Variants in ACSM3 observed in about 807,000 individuals in gnomAD.
ACSM3 encodes the protein acyl-CoA synthetase medium chain family member 3.
A neutral mutation model predicts 74.1 loss-of-function variants in ACSM3; 61 were observed. The ratio of observed to expected loss-of-function variants is 0.82; its 90% CI spans 0.67 to 1.02. The LOEUF is 1.02. ACSM3 is among the 50% of genes least tolerant of loss of function. ACSM3 has a pLI of 0.00. For missense variants in ACSM3, 660 were observed against 697.0 expected (o/e 0.95, Z 0.60); for synonymous variants, 213 against 241.5 (o/e 0.88, Z 1.09).
At chr16:20,732,574 CT>C (rs1236944668) in intron 1 of ACSM3, among the ~76,000 whole-genome samples, 3 of 152,150 alleles carry the variant, frequency 2.0e-5, no homozygotes, top group Non-Finnish European at 4.4e-5. Context: ...ACTAAGTGTT[CT>C]TTTTGCATTT....
At chr16:20,775,286 A>G (rs892134567) in intron 2 of ACSM3, among the ~76,000 whole-genome samples, 2 of 152,158 alleles carry the variant, frequency 1.3e-5, no homozygotes, top group African/African-American at 4.8e-5. Context: ...TTGTTGCAGG[A>G]GGACCTAGTA....
chr16:20,674,413 T>C (rs1485861881), upstream of ACSM3: 3 of 199,644 alleles, frequency 1.5e-5, no homozygotes, highest in Admixed American at 1.7e-4. Context: ...TTCTCACTTC[T>C]GTAATATGCT....
Position 20,683,688 on chromosome 16 carries a change from ATTCT to A in ACSM3, c.-190+8879_-190+8882del, listed in dbSNP as rs2079492701. ...AGAGTCTTGCCACCACGCCTGGCTAATTCTTTCTTTCTTTCTCTCTCTCTCTCTC... is the reference window on the plus strand; with the variant it reads ...AGAGTCTTGCCACCACGCCTGGCTAATTCTTTCTTTCTCTCTCTCTCTCTC... On this transcript the variant is annotated intron_variant, in intron 1 of 3. Coordinates refer to the ACSM3 transcript ENST00000561584. 3.8e-5 allele frequency among the ~76,000 whole-genome samples: 5 copies of A among 132,330 alleles called. No individual in the cohort carries two copies. The South Asian group carries it at 8.0e-4, about 21-fold the overall frequency. The allele number at this position is 132,330 out of a possible 152,430, so 86.8% of individuals were successfully genotyped here.
At chr16:20,735,836 A>G (rs2079864314) in intron 1 of ACSM3, 1 of 152,214 alleles carries the variant, frequency 6.6e-6, no homozygotes, top group South Asian at 2.1e-4. Flanking sequence ...ATCATCAGTA[A>G]ATCAACTTAT....
At chr16:20,685,278 A>G (rs937908791) in intron 1 of ACSM3, 2 of 1,614,198 alleles carry the variant, frequency 1.2e-6, no homozygotes, top group Non-Finnish European at 1.7e-6. Flanking sequence ...GTTGTAGGCC[A>G]CAGGTCTGTG....
intron 1 of ACSM3, chr16:20,737,723 T>C (rs367556167): frequency 1.1e-5 from 18 of 1,607,534 alleles, no homozygotes; most frequent in African/African-American, 2.7e-5. Flanking sequence ...AATTCTCTGA[T>C]AACTTCTTCT....
rs758458243 is a variant in ACSM3 at position 20,690,956 on chromosome 16, C to A, written c.-190+16134C>A. 8.3e-6 allele frequency: 13 copies of A among 1,573,072 alleles called. No individual in the cohort carries two copies. In the Admixed American group the frequency reaches 9.9e-5, roughly 12 times the overall value. On this transcript the variant is annotated intron_variant, in intron 1 of 3. Transcript: ENST00000561584. ...TAGGAGCAAGATAAGGAAAGTGAGG[C>A]CACCCTTGTTCTTATATCGCCATCA...
intron 1 of ACSM3, among the ~76,000 whole-genome samples, chr16:20,689,335 G>A (rs1422636928): frequency 6.6e-6 from 1 of 152,026 alleles, no homozygotes; most frequent in Non-Finnish European, 1.5e-5. Flanking sequence ...GAAAATCAAA[G>A]TGTGTCACTA....
Position 20,797,151 on chromosome 16 carries a change from T to A in ACSM3, c.*179T>A, listed in dbSNP as rs2152494232. 2.2e-6 allele frequency: 3 copies of A among 1,352,850 alleles called. No individual in the cohort carries two copies. Among genetic ancestry groups the A allele is most frequent in the South Asian group, 3.8e-5 (2 of 52,964 alleles). 83.8% of individuals were successfully genotyped at this position (1,352,850 alleles called of 1,614,324 possible). A position where few individuals can be genotyped will look rare whatever the true frequency, so the allele number is the denominator to read the frequency against. On this transcript the variant is annotated 3_prime_UTR_variant, in exon 14 of 14. Coordinates refer to ENST00000289416, the MANE Select transcript of ACSM3 (RefSeq NM_005622.4). Reference sequence around the variant, plus strand: ...TTTTGAAATAAAATATTTGGCAAATTCCTCCACATTAGTGTCAATGTTCCT... The same window carrying A: ...TTTTGAAATAAAATATTTGGCAAATACCTCCACATTAGTGTCAATGTTCCT...
chr16:20,745,595 AAATAAATAAAT>A (rs1253959752), intron 1 of ACSM3, among the ~76,000 whole-genome samples: 1 of 151,762 alleles, frequency 6.6e-6, no homozygotes. Context: ...ATAAATAAAT[AAATAAATAAAT>A]AAATAGAGAC....
chr16:20,789,694 T>TA, intron 9 of ACSM3: 1 of 627,916 alleles, frequency 1.6e-6, no homozygotes, highest in East Asian at 2.8e-5. Context: ...CTTTTTTTTT[T>TA]TTTTTTTTTG....
intron 1 of ACSM3, among the ~76,000 whole-genome samples, chr16:20,704,086 G>A (rs1025932439): frequency 2.0e-5 from 3 of 152,094 alleles, no homozygotes; most frequent in Non-Finnish European, 1.5e-5. Context: ...AAATTTATAA[G>A]CATAACTCCA....
chr16:20,717,856 GAGGAGAAGGAGAAGA>G (rs895403271), intron 1 of ACSM3, among the ~76,000 whole-genome samples: 8 of 150,792 alleles, frequency 5.3e-5, no homozygotes, highest in Admixed American at 6.6e-5. Context: ...GGAGGAAGAG[GAGGAGAAGGAGAAGA>G]AGGAGAAGGA....
At chr16:20,728,936 G>A (rs1048078353) in intron 1 of ACSM3, among the ~76,000 whole-genome samples, 27 of 152,010 alleles carry the variant, frequency 1.8e-4, no homozygotes, top group African/African-American at 5.6e-4. Flanking sequence ...GTGAGACCCC[G>A]TCTCTACAAA....
chr16:20,779,434 AAAAAAGAAAAG>A (rs969156951), intron 4 of ACSM3, among the ~76,000 whole-genome samples: 2 of 151,720 alleles, frequency 1.3e-5, no homozygotes, highest in Non-Finnish European at 1.5e-5. Context: ...TCAAAAAAAA[AAAAAAGAAAAG>A]AAAAGAAAAG....
intron 1 of ACSM3, chr16:20,741,480 G>GGA: frequency 1.5e-6 from 2 of 1,340,424 alleles, no homozygotes; most frequent in Admixed American, 3.5e-5. Flanking sequence ...CCTGGCAGCC[G>GGA]GCCCGCCCGC....
Position 20,770,083 on chromosome 16 carries a change from C to G in ACSM3, c.49C>G (p.Gln17Glu). The G allele has an allele frequency of 6.2e-7, 1 of 1,614,182 alleles. No individual in the cohort carries two copies. Among genetic ancestry groups the G allele is most frequent in the Non-Finnish European group, 8.5e-7 (1 of 1,180,022 alleles). ...GATGCTACGTCATGCCAAGTGTTTTCAGCGCCTAGCAATTTTTGGTTCTGT... is the reference window on the plus strand; with the variant it reads ...GATGCTACGTCATGCCAAGTGTTTTGAGCGCCTAGCAATTTTTGGTTCTGT... ...RKMLRHAKCF[Q>E]RLAIFGSVRA... The change falls in exon 2 of 14, where the codon CAG (glutamine) becomes GAG (glutamate). Residue 17 changes from glutamine (Q) to glutamate (E), a missense_variant. Coordinates refer to ENST00000289416, the MANE Select transcript of ACSM3 (RefSeq NM_005622.4).
intron 1 of ACSM3, chr16:20,741,481 G>GGGGGGGGGGGGGGCGCCC: frequency 7.6e-7 from 1 of 1,308,414 alleles, no homozygotes; most frequent in Non-Finnish European, 9.9e-7. Flanking sequence ...CTGGCAGCCG[G>GGGGGGGGGGGGGGCGCCC]CCCGCCCGCC....
At position 20,710,334 on chromosome 16, in the gene ACSM3, T is replaced by C. The variant is rs1228853897; in HGVS notation, c.-190+35512T>C. Among the ~76,000 whole-genome samples the C allele has an allele frequency of 3.3e-5, 5 of 152,274 alleles. No individual in the cohort carries two copies. The East Asian group carries it at 7.7e-4, about 23-fold the overall frequency. Reference sequence around the variant, plus strand: ...AACAGTAGTCTCTAGGCATTTTGGGTTGTATAATCTATCAATAAAAATATT... The same window carrying C: ...AACAGTAGTCTCTAGGCATTTTGGGCTGTATAATCTATCAATAAAAATATT... On this transcript the variant is annotated intron_variant, in intron 1 of 3. Coordinates refer to the ACSM3 transcript ENST00000561584.
Sources: gnomAD v4.1 joint callset for allele counts (sites outside exome capture counted in the v4.1 genomes callset) on GRCh38, gnomAD v4.1.1 for gene constraint, MANE v1.5 for transcripts, NCBI Gene and HGNC (gene_info 2026-07-23, HGNC 2026-07-21) for gene names.